The following RHOU variants were observed in gnomAD, a reference collection of about 807,000 sequenced individuals.
RHOU encodes the protein ras homolog family member U.
Under a neutral mutation model 12.6 loss-of-function variants are expected in RHOU, and 8 were observed. The ratio of observed to expected loss-of-function variants is 0.64; its 90% CI spans 0.37 to 1.15. The LOEUF is 1.15. RHOU is among the 50% of genes most tolerant of loss of function. RHOU has a pLI of 0.01. For missense variants in RHOU, 258 were observed against 347.0 expected (o/e 0.74, Z 2.04); for synonymous variants, 161 against 147.4 (o/e 1.09, Z -0.67).
the RHOU span, among the ~76,000 whole-genome samples, chr1:228,725,846 T>G: frequency 1.3e-5 from 2 of 152,200 alleles, no homozygotes; most frequent in Non-Finnish European, 2.9e-5. Flanking sequence ...AGGGACTCAA[T>G]AAATCTTCAC....
At chr1:228,659,344 C>T in the RHOU span, among the ~76,000 whole-genome samples, 2 of 152,048 alleles carry the variant, frequency 1.3e-5, no homozygotes, top group East Asian at 3.9e-4. Flanking sequence ...CACCATTGCA[C>T]TCCAGCCTGG....
the RHOU span, among the ~76,000 whole-genome samples, chr1:228,711,609 T>G: frequency 6.6e-6 from 1 of 152,194 alleles, no homozygotes; most frequent in African/African-American, 2.4e-5. Context: ...TAGCCATATG[T>G]AGAAAGCTGA....
chr1:228,736,242 C>A (rs568367873), intron 1 of RHOU, among the ~76,000 whole-genome samples: 1 of 111,030 alleles, frequency 9.0e-6, no homozygotes, highest in South Asian at 3.1e-4. Context: ...GAGGGCGGAG[C>A]GGCAGTCAGA....
chr1:228,709,210 G>T, the RHOU span, among the ~76,000 whole-genome samples: 1 of 151,368 alleles, frequency 6.6e-6, no homozygotes, highest in Non-Finnish European at 1.5e-5. Context: ...ATTAATAATG[G>T]GAGACTTTAA....
chr1:228,723,395 T>G, the RHOU span, among the ~76,000 whole-genome samples: 1 of 152,194 alleles, frequency 6.6e-6, no homozygotes, highest in African/African-American at 2.4e-5. Flanking sequence ...CAGGGTTGGT[T>G]TGACCCGGCA....
chr1:228,677,868 C>T, the RHOU span, among the ~76,000 whole-genome samples: 6 of 152,026 alleles, frequency 3.9e-5, no homozygotes, highest in Admixed American at 6.6e-5. Flanking sequence ...AAGGCAGGCC[C>T]GTTATTGGAC....
the RHOU span, among the ~76,000 whole-genome samples, chr1:228,677,865 GC>G: frequency 1.1e-3 from 163 of 152,262 alleles, 2 homozygotes; most frequent in Middle Eastern, 0.024. Flanking sequence ...ATAAAGGCAG[GC>G]CCGTTATTGG....
At chr1:228,659,255 G>A in the RHOU span, among the ~76,000 whole-genome samples, 3 of 152,010 alleles carry the variant, frequency 2.0e-5, no homozygotes, top group African/African-American at 4.8e-5. Context: ...GCAGGTGCCT[G>A]TAATCCCAGC....
At chr1:228,739,010 A>T (rs1465060346) in intron 2 of RHOU, among the ~76,000 whole-genome samples, 1 of 151,924 alleles carries the variant, frequency 6.6e-6, no homozygotes, top group Non-Finnish European at 1.5e-5. Context: ...GCCACCAGCC[A>T]CTCAGGAGGC....
At chr1:228,708,254 A>G in the RHOU span, among the ~76,000 whole-genome samples, 1 of 152,328 alleles carries the variant, frequency 6.6e-6, no homozygotes, top group East Asian at 1.9e-4. Flanking sequence ...ATCCAGGAGA[A>G]CTTCCCCAAT....
the RHOU span, among the ~76,000 whole-genome samples, chr1:228,718,192 C>T: frequency 6.6e-6 from 1 of 152,160 alleles, no homozygotes; most frequent in Non-Finnish European, 1.5e-5. Context: ...GCATCCATTG[C>T]TTTCCAGTGA....
intron 2 of RHOU, among the ~76,000 whole-genome samples, chr1:228,741,753 C>G (rs1048122671): frequency 3.3e-5 from 5 of 152,204 alleles, no homozygotes; most frequent in Non-Finnish European, 7.3e-5. Context: ...AGTGATCCCC[C>G]TGCCTCAGCT....
the RHOU span, among the ~76,000 whole-genome samples, chr1:228,708,215 C>T: frequency 9.2e-5 from 14 of 152,222 alleles, no homozygotes; most frequent in Middle Eastern, 3.4e-3. Context: ...GAGAATGGAA[C>T]CAAGTTGGAA....
At chr1:228,694,135 C>T in the RHOU span, among the ~76,000 whole-genome samples, 2 of 152,140 alleles carry the variant, frequency 1.3e-5, no homozygotes, top group African/African-American at 2.4e-5. Context: ...TGTTACAGCT[C>T]AGAGCAATAT....
Position 228,737,858 on chromosome 1 carries a change from C to T in RHOU, c.321+127C>T, listed in dbSNP as rs1235513666. The stretch of plus-strand genomic sequence containing the variant: ...GCCTCATGAAGTGGACCCACCCCTG[C>T]TGTTGGCCCTTCTCTGAGGGTGGGC... On this transcript the variant is annotated intron_variant, in intron 2 of 2. Transcript: ENST00000366691. The surrounding 1 kb of genome is among the most constrained non-coding windows in gnomAD (Gnocchi z 4.1). The T allele has an allele frequency of 6.1e-6, 6 of 976,662 alleles. No individual in the cohort carries two copies. The highest frequency in any genetic ancestry group is 9.4e-6 in the Non-Finnish European group (6 of 635,842). 60.5% of individuals were successfully genotyped at this position (976,662 alleles called of 1,614,324 possible).
the RHOU span, among the ~76,000 whole-genome samples, chr1:228,725,880 A>G: frequency 6.6e-6 from 1 of 152,206 alleles, no homozygotes; most frequent in Non-Finnish European, 1.5e-5. Context: ...TGAGTAGATA[A>G]AAAAATGATT....
At chr1:228,669,608 A>T in the RHOU span, among the ~76,000 whole-genome samples, 2 of 152,242 alleles carry the variant, frequency 1.3e-5, no homozygotes, top group African/African-American at 2.4e-5. Flanking sequence ...TTATTGGAAT[A>T]GAACTAAAAG....
At chr1:228,651,754 C>G in the RHOU span, among the ~76,000 whole-genome samples, 1 of 152,282 alleles carries the variant, frequency 6.6e-6, no homozygotes, top group South Asian at 2.1e-4. Flanking sequence ...ACTTATGAAG[C>G]CAATTCATTT....
the RHOU span, among the ~76,000 whole-genome samples, chr1:228,680,699 G>A: frequency 6.4e-4 from 97 of 152,280 alleles, no homozygotes; most frequent in Non-Finnish European, 1.3e-3. Context: ...GTGACCTTCT[G>A]GTCCCTCTGG....
Sources: allele counts gnomAD v4.1 joint callset (sites outside exome capture counted in the v4.1 genomes callset), GRCh38; gene constraint gnomAD v4.1.1; non-coding constraint Gnocchi (gnomAD v3.1); transcripts MANE v1.5; gene names NCBI Gene and HGNC (gene_info 2026-07-23, HGNC 2026-07-21).